Variants in STX8 observed in about 807,000 individuals in gnomAD.
STX8 encodes syntaxin-8.
Under a neutral mutation model 37.5 loss-of-function variants are expected in STX8, and 23 were observed. That is an observed-to-expected ratio of 0.61 (90% CI 0.44 to 0.87). STX8 has a LOEUF of 0.87. Ranked by LOEUF, STX8 falls within the 40% of genes least tolerant of loss-of-function variation. STX8 has a pLI of 0.00. For missense variants in STX8, 313 were observed against 284.7 expected (o/e 1.10, Z -0.71); for synonymous variants, 115 against 99.1 (o/e 1.16, Z -0.95).
chr17:9,549,909 G>A (rs1457692345), intron 3 of STX8, among the ~76,000 whole-genome samples: 2 of 152,078 alleles, frequency 1.3e-5, no homozygotes, highest in African/African-American at 4.8e-5. Context: ...GTGCCTGAGT[G>A]ATGCTAAGGA....
At chr17:9,391,891 G>T (rs1259622144) in intron 6 of STX8, among the ~76,000 whole-genome samples, 1 of 152,142 alleles carries the variant, frequency 6.6e-6, no homozygotes, top group Admixed American at 6.5e-5. Context: ...CCTTAAAGTT[G>T]TTCATGAAGT....
At chr17:9,377,613 A>G (rs1305696755) in intron 7 of STX8, among the ~76,000 whole-genome samples, 1 of 152,214 alleles carries the variant, frequency 6.6e-6, no homozygotes, top group African/African-American at 2.4e-5. Flanking sequence ...GGTGTGTACC[A>G]CAATGGCTGG....
intron 6 of STX8, among the ~76,000 whole-genome samples, chr17:9,428,774 A>G (rs1381617853): frequency 6.6e-6 from 1 of 152,196 alleles, no homozygotes; most frequent in Non-Finnish European, 1.5e-5. Context: ...TTCTGGCACC[A>G]TATCTTCCAA....
chr17:9,524,950 G>A (rs1168366169), intron 4 of STX8, among the ~76,000 whole-genome samples: 1 of 152,000 alleles, frequency 6.6e-6, no homozygotes, highest in Non-Finnish European at 1.5e-5. Flanking sequence ...TAGGACTACA[G>A]GCATGCACCA....
intron 6 of STX8, among the ~76,000 whole-genome samples, chr17:9,444,485 T>A (rs1904772266): frequency 6.6e-6 from 1 of 152,160 alleles, no homozygotes; most frequent in African/African-American, 2.4e-5. Context: ...CTTCCTTAAT[T>A]AATAATAATA....
At chr17:9,570,520 C>T (rs1907649750) in intron 1 of STX8, among the ~76,000 whole-genome samples, 1 of 151,732 alleles carries the variant, frequency 6.6e-6, no homozygotes, top group Non-Finnish European at 1.5e-5. Flanking sequence ...TCGTATATGT[C>T]ACATGTATAT....
intron 6 of STX8, chr17:9,469,656 G>A (rs904775475): frequency 6.6e-6 from 1 of 152,130 alleles, no homozygotes; most frequent in Non-Finnish European, 1.5e-5. Flanking sequence ...AGAAAATCCT[G>A]TTTATAAAAC....
At position 9,507,084 on chromosome 17, in the gene STX8, T is replaced by C. The variant is rs964192877; in HGVS notation, c.324-1922A>G. Among the ~76,000 whole-genome samples, 7 of 151,904 alleles carry C rather than the reference T, an allele frequency of 4.6e-5. No individual in the cohort carries two copies. The highest frequency in any genetic ancestry group is 1.5e-4 in the African/African-American group (6 of 41,338). On this transcript the variant is annotated intron_variant, in intron 4 of 7. Coordinates refer to ENST00000306357, the MANE Select transcript of STX8 (RefSeq NM_004853.3). The surrounding 1 kb of genome is among the most constrained non-coding windows in gnomAD (Gnocchi z 4.0). Reference sequence around the variant, plus strand: ...CCCACTCTTGAGCCAACCAAACTGCTGCATACCCTCCTGCAAGCAGAAGGC... The same window carrying C: ...CCCACTCTTGAGCCAACCAAACTGCCGCATACCCTCCTGCAAGCAGAAGGC...
chr17:9,253,207 G>GGTGTGTGTGTGTGTGT (rs36048368), intron 7 of STX8, among the ~76,000 whole-genome samples: 2,771 of 140,978 alleles, frequency 0.02, 43 homozygotes, highest in Non-Finnish European at 0.023. Flanking sequence ...CAGGGGTAGG[G>GGTGTGTGTGTGTGTGT]GTGTGTGTGT....
At chr17:9,346,468 A>C (rs773728740) in intron 7 of STX8, among the ~76,000 whole-genome samples, 7 of 152,164 alleles carry the variant, frequency 4.6e-5, no homozygotes, top group Non-Finnish European at 7.3e-5. Context: ...AATGTTTGAG[A>C]AGTACCACGG....
intron 2 of STX8, among the ~76,000 whole-genome samples, chr17:9,562,617 T>A (rs866851142): frequency 8.6e-5 from 12 of 139,066 alleles, no homozygotes; most frequent in African/African-American, 2.9e-4. Flanking sequence ...AAAAAAAATA[T>A]ATATATATAT....
chr17:9,414,646 C>T, intron 6 of STX8, among the ~76,000 whole-genome samples: 1 of 152,128 alleles, frequency 6.6e-6, no homozygotes, highest in Non-Finnish European at 1.5e-5. Flanking sequence ...CAGGGTGAGA[C>T]CGCTCTACCC....
intron 7 of STX8, among the ~76,000 whole-genome samples, chr17:9,357,015 TG>T (rs1276750076): frequency 4.3e-5 from 6 of 139,306 alleles, no homozygotes; most frequent in Non-Finnish European, 7.6e-5. Context: ...TCACCCCGGC[TG>T]AAGTGCAGTG....
intron 4 of STX8, among the ~76,000 whole-genome samples, chr17:9,506,236 C>A (rs1317461734): frequency 1.3e-5 from 2 of 152,092 alleles, no homozygotes; most frequent in East Asian, 3.9e-4. Flanking sequence ...GCATTCTGTC[C>A]AAGCTGAGAA....
chr17:9,504,204 T>C (rs1904732918), intron 5 of STX8, among the ~76,000 whole-genome samples: 1 of 152,130 alleles, frequency 6.6e-6, no homozygotes, highest in Non-Finnish European at 1.5e-5. Context: ...TCTAAGGAAA[T>C]ACATATTAAT....
At chr17:9,362,866 A>AATAAAT (rs1555601167) in intron 7 of STX8, among the ~76,000 whole-genome samples, 4 of 116,814 alleles carry the variant, frequency 3.4e-5, no homozygotes, top group Non-Finnish European at 8.2e-5. Context: ...TAAATAAATA[A>AATAAAT]TCTCTTTCTT....
intron 7 of STX8, among the ~76,000 whole-genome samples, chr17:9,308,514 G>A (rs1187474016): frequency 1.3e-5 from 2 of 152,100 alleles, no homozygotes; most frequent in Admixed American, 6.6e-5. Flanking sequence ...CATGAGGTCA[G>A]GAGTTCGAGA....
At chr17:9,495,619 A>T (rs1904362657) in intron 5 of STX8, among the ~76,000 whole-genome samples, 1 of 152,242 alleles carries the variant, frequency 6.6e-6, no homozygotes, top group African/African-American at 2.4e-5. Flanking sequence ...CATCTAATGC[A>T]CATGAGAAAG....
At chr17:9,397,056 C>G (rs1427870718) in intron 6 of STX8, among the ~76,000 whole-genome samples, 1 of 152,206 alleles carries the variant, frequency 6.6e-6, no homozygotes, top group Non-Finnish European at 1.5e-5. Flanking sequence ...CACAGGGGTA[C>G]AGGTTAACAA....
Sources: allele counts gnomAD v4.1 joint callset (sites outside exome capture counted in the v4.1 genomes callset), GRCh38; gene constraint gnomAD v4.1.1; non-coding constraint Gnocchi (gnomAD v3.1); transcripts MANE v1.5; gene names NCBI Gene and HGNC (gene_info 2026-07-23, HGNC 2026-07-21).